SBF2: variants seen among roughly 807,000 people sequenced by gnomAD.
SBF2 encodes myotubularin-related protein 13.
In SBF2, 112 loss-of-function variants were observed where a neutral mutation model predicts 225.2. That is an observed-to-expected ratio of 0.50 (90% CI 0.43 to 0.58). The LOEUF (loss-of-function observed/expected upper bound fraction) is 0.58, where lower values mean the gene tolerates loss of function less well. Ranked by LOEUF, SBF2 falls within the 20% of genes least tolerant of loss-of-function variation. The pLI, the probability that SBF2 is intolerant of heterozygous loss-of-function variation, is 0.00. For missense variants in SBF2, 1,996 were observed against 2,206.2 expected (o/e 0.90, Z 1.91); for synonymous variants, 763 against 773.3 (o/e 0.99, Z 0.22).
chr11:10,154,038 C>A (rs535475491), intron 2 of SBF2, among the ~76,000 whole-genome samples: 21 of 151,932 alleles, frequency 1.4e-4, no homozygotes, highest in South Asian at 6.2e-4. Flanking sequence ...TATTGTTTAT[C>A]GTCTATCTTG....
intron 24 of SBF2, 89 bp downstream of exon 24, chr11:9,845,476 T>A: frequency 8.3e-7 from 1 of 1,201,648 alleles, no homozygotes; most frequent in Non-Finnish European, 1.2e-6. Context: ...AAAACAGCAA[T>A]CGCTTACACC....
intron 17 of SBF2, among the ~76,000 whole-genome samples, chr11:9,868,337 C>CAAAAAAAAAAAAA (rs35348349): frequency 5.7e-4 from 15 of 26,368 alleles, no homozygotes; most frequent in Admixed American, 2.3e-3. Flanking sequence ...TACAAAAATA[C>CAAAAAAAAAAAAA]AAAAAAAAAA....
At chr11:10,177,667 A>T (rs1457202686) in intron 2 of SBF2, among the ~76,000 whole-genome samples, 25 of 151,942 alleles carry the variant, frequency 1.6e-4, no homozygotes, top group Admixed American at 1.6e-3. Context: ...GGAGAACTAC[A>T]AACCACTGCT....
At chr11:9,958,733 G>A in intron 16 of SBF2, 1 of 408,894 alleles carries the variant, frequency 2.4e-6, no homozygotes, top group Admixed American at 2.9e-5. Context: ...TGGAGGTCTA[G>A]TTCACTTAGT....
chr11:10,121,056 ACGCCC>A (rs1284879429), intron 2 of SBF2, among the ~76,000 whole-genome samples: 1 of 152,116 alleles, frequency 6.6e-6, no homozygotes, highest in African/African-American at 2.4e-5. Flanking sequence ...TTGAGCCATC[ACGCCC>A]CGCCTGTTTT....
chr11:10,018,718 C>T (rs1948736608), intron 6 of SBF2, among the ~76,000 whole-genome samples: 1 of 152,196 alleles, frequency 6.6e-6, no homozygotes, highest in African/African-American at 2.4e-5. Context: ...TTTGAGCAAG[C>T]ATAGTACACC....
At chr11:9,925,253 C>T (rs1367846202) in intron 16 of SBF2, among the ~76,000 whole-genome samples, 2 of 151,794 alleles carry the variant, frequency 1.3e-5, no homozygotes, top group African/African-American at 2.4e-5. Flanking sequence ...TATGATAGTT[C>T]AACCTAAAAT....
At chr11:10,117,124 C>A (rs773839294) in intron 2 of SBF2, among the ~76,000 whole-genome samples, 21 of 152,090 alleles carry the variant, frequency 1.4e-4, no homozygotes, top group Non-Finnish European at 2.8e-4. Context: ...AGTACTGATA[C>A]ATGAAGTAAG....
rs539197480 is a variant in SBF2, at chr11:9,805,789, A to AT, written c.4443+2210dup. 2.1e-4 allele frequency among the ~76,000 whole-genome samples: 32 copies of AT among 152,048 alleles called. No individual in the cohort carries two copies. In the East Asian group the frequency reaches 4.3e-3, roughly 20 times the overall value. On this transcript the variant is annotated intron_variant, in intron 32 of 39. Transcript: ENST00000256190. ...AGGCGTGCGCCCCCACGTCTGGCTG[A>AT]TTTTTTGTATTTTTAGTAGAGATGG...
intron 1 of SBF2, among the ~76,000 whole-genome samples, chr11:10,243,440 A>T (rs959133813): frequency 1.3e-5 from 2 of 151,944 alleles, no homozygotes; most frequent in Non-Finnish European, 2.9e-5. Context: ...ACCAAACCTA[A>T]AGTTAAAAAA....
At chr11:9,995,315 G>C (rs966255467) in intron 9 of SBF2, among the ~76,000 whole-genome samples, 7 of 152,158 alleles carry the variant, frequency 4.6e-5, no homozygotes, top group African/African-American at 1.7e-4. Context: ...TCAGTATGTA[G>C]CAAATTTTCT....
chr11:10,067,261 A>C (rs1478055258), intron 2 of SBF2, among the ~76,000 whole-genome samples: 1 of 152,212 alleles, frequency 6.6e-6, no homozygotes, highest in African/African-American at 2.4e-5. Context: ...GGCCAACTTG[A>C]TATTGTCAAG....
chr11:9,927,402 C>T (rs759240320), intron 16 of SBF2, among the ~76,000 whole-genome samples: 2 of 152,048 alleles, frequency 1.3e-5, no homozygotes, highest in Non-Finnish European at 2.9e-5. Context: ...CCAGCAATAC[C>T]CTGCTACCAA....
At chr11:9,976,513 C>A (rs1024384182) in intron 13 of SBF2, among the ~76,000 whole-genome samples, 1 of 152,072 alleles carries the variant, frequency 6.6e-6, no homozygotes, top group African/African-American at 2.4e-5. Context: ...GGGAGGATCG[C>A]TTGAGCCCAG....
At chr11:10,123,725 T>C (rs963979687) in intron 2 of SBF2, among the ~76,000 whole-genome samples, 1 of 152,094 alleles carries the variant, frequency 6.6e-6, no homozygotes, top group Non-Finnish European at 1.5e-5. Flanking sequence ...TCCACTAACA[T>C]AAATAAGCTT....
intron 1 of SBF2, among the ~76,000 whole-genome samples, chr11:10,228,455 G>A (rs984967278): frequency 6.6e-6 from 1 of 152,150 alleles, no homozygotes; most frequent in Non-Finnish European, 1.5e-5. Flanking sequence ...ATTGGCTGTA[G>A]GTTTGTCATA....
chr11:10,263,387 C>G (rs1961629900), intron 1 of SBF2, among the ~76,000 whole-genome samples: 1 of 151,936 alleles, frequency 6.6e-6, no homozygotes, highest in South Asian at 2.1e-4. Context: ...AGAAACCACA[C>G]TTTACTTTCT....
intron 2 of SBF2, among the ~76,000 whole-genome samples, chr11:10,128,248 G>C (rs935694766): frequency 1.3e-5 from 2 of 152,098 alleles, no homozygotes; most frequent in East Asian, 3.8e-4. Flanking sequence ...CTACCTTCAC[G>C]AAGTCAGGCA....
At chr11:9,862,619 T>A (rs1857850819) in intron 17 of SBF2, among the ~76,000 whole-genome samples, 1 of 151,768 alleles carries the variant, frequency 6.6e-6, no homozygotes, top group African/African-American at 2.4e-5. Context: ...AAAGATGTAA[T>A]GAGACTTTAG....
Sources: gnomAD v4.1 joint callset for allele counts (sites outside exome capture counted in the v4.1 genomes callset) on GRCh38, gnomAD v4.1.1 for gene constraint, MANE v1.5 for transcripts, NCBI Gene and HGNC (gene_info 2026-07-23, HGNC 2026-07-21) for gene names.